The following KIF16B variants were observed in gnomAD, a reference collection of about 807,000 sequenced individuals.
The protein encoded by KIF16B is kinesin-like protein KIF16B.
A neutral mutation model predicts 156.3 loss-of-function variants in KIF16B; 98 were observed. The observed-to-expected ratio is 0.63, with a 90% CI of 0.53 to 0.74. KIF16B has a LOEUF of 0.74. Among genes scored for constraint, KIF16B ranks in the 30% least tolerant of loss-of-function variants. The pLI, the probability that KIF16B is intolerant of heterozygous loss-of-function variation, is 0.00. For synonymous variants in KIF16B, 564 were observed against 583.7 expected (o/e 0.97, Z 0.49); for missense variants, 1,421 against 1,606.5 (o/e 0.88, Z 1.97).
At chr20:16,427,366 T>C (rs1427682582) in intron 14 of KIF16B, 125 bp from the exon 15 acceptor site, 2 of 919,358 alleles carry the variant, frequency 2.2e-6, no homozygotes, top group Non-Finnish European at 3.2e-6. Context: ...ATAAGTATCA[T>C]GAAGTGAACA....
At chr20:16,428,805 A>T in intron 14 of KIF16B, 148 bp downstream of exon 14, 1 of 624,600 alleles carries the variant, frequency 1.6e-6, no homozygotes, top group Admixed American at 2.8e-5. Context: ...ATATACACAC[A>T]TATATATACG....
intron 12 of KIF16B, among the ~76,000 whole-genome samples, chr20:16,478,286 A>G (rs1284815775): frequency 6.6e-6 from 1 of 152,238 alleles, no homozygotes; most frequent in Non-Finnish European, 1.5e-5. Flanking sequence ...ACTAGAGTGC[A>G]TAACATGAAA....
At chr20:16,468,915 A>G (rs1032377330) in intron 12 of KIF16B, among the ~76,000 whole-genome samples, 1 of 152,184 alleles carries the variant, frequency 6.6e-6, no homozygotes, top group Non-Finnish European at 1.5e-5. Context: ...CACATGGAAC[A>G]TTCACCAAGA....
intron 15 of KIF16B, among the ~76,000 whole-genome samples, chr20:16,413,579 A>G (rs1389493358): frequency 1.3e-5 from 2 of 152,140 alleles, no homozygotes; most frequent in African/African-American, 4.8e-5. Context: ...CAAACATATG[A>G]GACAACTGTG....
At chr20:16,364,732 G>A (rs1455880304) in intron 22 of KIF16B, among the ~76,000 whole-genome samples, 1 of 152,250 alleles carries the variant, frequency 6.6e-6, no homozygotes, top group Non-Finnish European at 1.5e-5. Context: ...ATGCTTAGGT[G>A]AGAGAAGTGA....
chr20:16,461,385 A>C (rs2067341366), intron 12 of KIF16B, among the ~76,000 whole-genome samples: 1 of 152,194 alleles, frequency 6.6e-6, no homozygotes, highest in South Asian at 2.1e-4. Flanking sequence ...TGGAAAAATA[A>C]ATCAACATGT....
chr20:16,567,909 G>T (rs1009226686), intron 1 of KIF16B, among the ~76,000 whole-genome samples: 1 of 152,130 alleles, frequency 6.6e-6, no homozygotes, highest in African/African-American at 2.4e-5. Flanking sequence ...CCGAGATCGC[G>T]CCACTGCACT....
intron 17 of KIF16B, among the ~76,000 whole-genome samples, chr20:16,396,176 G>T (rs2065495722): frequency 6.6e-6 from 1 of 152,056 alleles, no homozygotes; most frequent in African/African-American, 2.4e-5. Context: ...GATTTGCATA[G>T]GAGCGCAAAC....
intron 22 of KIF16B, among the ~76,000 whole-genome samples, chr20:16,361,792 T>C (rs2064557113): frequency 1.3e-5 from 2 of 152,214 alleles, no homozygotes; most frequent in South Asian, 4.1e-4. Context: ...AGTTGACATT[T>C]CCAATCCATG....
chr20:16,321,572 C>A (rs936079784), intron 24 of KIF16B, among the ~76,000 whole-genome samples: 8 of 152,014 alleles, frequency 5.3e-5, no homozygotes, highest in African/African-American at 1.4e-4. Flanking sequence ...CCCTACACAG[C>A]GTTAGAAGTA....
intron 25 of KIF16B, among the ~76,000 whole-genome samples, chr20:16,297,023 C>T (rs1237929112): frequency 6.6e-6 from 1 of 152,246 alleles, no homozygotes; most frequent in African/African-American, 2.4e-5. Context: ...TGCCTTTGGA[C>T]TCAAACTGAA....
At chr20:16,317,840 G>A (rs772986272) in intron 24 of KIF16B, among the ~76,000 whole-genome samples, 3 of 152,196 alleles carry the variant, frequency 2.0e-5, no homozygotes, top group Non-Finnish European at 4.4e-5. Context: ...AAAAAGATCA[G>A]GATGCAATTC....
At chr20:16,485,618 T>C (rs2068092408) in intron 12 of KIF16B, among the ~76,000 whole-genome samples, 1 of 152,226 alleles carries the variant, frequency 6.6e-6, no homozygotes, top group Non-Finnish European at 1.5e-5. Context: ...ATTCCATGTA[T>C]GAACTCATTC....
chr20:16,420,791 G>A (rs6111107), intron 15 of KIF16B, among the ~76,000 whole-genome samples: 14,461 of 151,950 alleles, frequency 0.095, 873 homozygotes, highest in East Asian at 0.36. Flanking sequence ...AGTCAGGAAG[G>A]GTCCTAGGCC....
intron 25 of KIF16B, among the ~76,000 whole-genome samples, chr20:16,304,668 T>C (rs1220357650): frequency 6.6e-6 from 1 of 152,246 alleles, no homozygotes; most frequent in East Asian, 1.9e-4. Flanking sequence ...TTATATGTTT[T>C]GTAAGATCAG....
chr20:16,314,770 C>T (rs779640006), intron 24 of KIF16B, among the ~76,000 whole-genome samples: 1 of 152,140 alleles, frequency 6.6e-6, no homozygotes, highest in Non-Finnish European at 1.5e-5. Flanking sequence ...CCCTTGTGGC[C>T]TCTCTGCATC....
At chr20:16,352,388 T>G (rs1185510908) in intron 23 of KIF16B, among the ~76,000 whole-genome samples, 1 of 152,244 alleles carries the variant, frequency 6.6e-6, no homozygotes, top group East Asian at 1.9e-4. Context: ...AAAGCAGGTA[T>G]AGAAGACAGT....
At chr20:16,495,484 T>G (rs1340663426) in intron 11 of KIF16B, among the ~76,000 whole-genome samples, 2 of 152,186 alleles carry the variant, frequency 1.3e-5, no homozygotes, top group African/African-American at 4.8e-5. Context: ...ATATATCTCA[T>G]TCACCTATAG....
At chr20:16,349,057 G>C (rs761542897) in intron 23 of KIF16B, among the ~76,000 whole-genome samples, 14 of 152,196 alleles carry the variant, frequency 9.2e-5, no homozygotes, top group Non-Finnish European at 1.8e-4. Context: ...CTCACAGCAG[G>C]TGGCTGGCTG....
Sources: gnomAD v4.1 joint callset for allele counts (sites outside exome capture counted in the v4.1 genomes callset) on GRCh38, gnomAD v4.1.1 for gene constraint, MANE v1.5 for transcripts, NCBI Gene and HGNC (gene_info 2026-07-23, HGNC 2026-07-21) for gene names.